ATP2B4: variants seen among roughly 807,000 people sequenced by gnomAD.
The protein encoded by ATP2B4 is plasma membrane calcium-transporting ATPase 4.
ATP2B4 carries 39 observed loss-of-function variants against 110.3 expected under a neutral mutation model. The observed-to-expected ratio is 0.35, with a 90% confidence interval of 0.27 to 0.46. The LOEUF is 0.46. ATP2B4 is among the 20% of genes least tolerant of loss of function. The probability of loss-of-function intolerance (pLI) is 1.00; values close to 1 mark genes in which losing one functional copy is unlikely to be tolerated. For synonymous variants in ATP2B4, 538 were observed against 571.7 expected (o/e 0.94, Z 0.84); for missense variants, 1,135 against 1,530.9 (o/e 0.74, Z 4.32).
intron 1 of ATP2B4, among the ~76,000 whole-genome samples, chr1:203,668,658 A>G (rs1664576648): frequency 6.6e-6 from 1 of 152,210 alleles, no homozygotes; most frequent in Non-Finnish European, 1.5e-5. Context: ...CCGTGACCCC[A>G]GTGACACAGA....
chr1:203,710,676 A>G (rs993786712), intron 11 of ATP2B4, among the ~76,000 whole-genome samples: 3 of 152,226 alleles, frequency 2.0e-5, no homozygotes, highest in Non-Finnish European at 4.4e-5. Flanking sequence ...CACTCTCTAT[A>G]TATCTAGACC....
rs761598697 is a variant in ATP2B4 at position 203,722,458 on chromosome 1, G to A, written c.2813-20G>A. The stretch of plus-strand genomic sequence containing the variant: ...GTTCAGACCACACTTAACCTCCAGT[G>A]CTTCTCCTCTCCCCACTAGGTGAGA... On this transcript the variant is annotated intron_variant, in intron 17 of 20. Transcript: ENST00000357681. 4 of 1,580,368 alleles carry A rather than the reference G, an allele frequency of 2.5e-6. No individual in the cohort carries two copies. The highest frequency in any genetic ancestry group is 3.5e-6 in the Non-Finnish European group (4 of 1,149,312).
chr1:203,719,884 G>T (rs940870654), intron 15 of ATP2B4, among the ~76,000 whole-genome samples: 1 of 151,800 alleles, frequency 6.6e-6, no homozygotes, highest in Non-Finnish European at 1.5e-5. Flanking sequence ...AAAGCTGGGC[G>T]ATATAGAGAG....
rs372132352 is a variant in ATP2B4, at chr1:203,710,541, C to T, written c.1800-336C>T. On this transcript the variant is annotated intron_variant, in intron 11 of 20. Coordinates refer to ENST00000357681, the MANE Select transcript of ATP2B4 (RefSeq NM_001684.5). ...CAAACCACCAGCACCACACAGTGAG[C>T]ACTATTCTAAATACTCGGATTGAAA... Among the ~76,000 whole-genome samples, 10 of 152,324 alleles carry T rather than the reference C, an allele frequency of 6.6e-5. No homozygotes were observed. In the East Asian group the frequency reaches 1.9e-3, roughly 29 times the overall value.
At chr1:203,669,075 A>G (rs1275487050) in intron 1 of ATP2B4, among the ~76,000 whole-genome samples, 3 of 152,160 alleles carry the variant, frequency 2.0e-5, no homozygotes, top group African/African-American at 7.2e-5. Context: ...TTCACTTCCT[A>G]CAAACCTCCG....
chr1:203,650,611 G>A lies in ATP2B4; in HGVS notation c.-465+23392G>A, dbSNP rs546986617. On this transcript the variant is annotated intron_variant, in intron 1 of 20. Coordinates refer to ENST00000357681, the MANE Select transcript of ATP2B4 (RefSeq NM_001684.5). ...GGCTGAGTTGCACCGCGCAGAGGCC[G>A]GGGGAGCTGCAGGTCCGAACTCGGC... Among the ~76,000 whole-genome samples, 126 of 152,320 alleles carry A rather than the reference G, an allele frequency of 8.3e-4. 1 individual carries two copies. Among genetic ancestry groups the A allele is most frequent in the African/African-American group, 2.5e-3 (103 of 41,580 alleles).
At chr1:203,707,753 G>A (rs1665891660) in intron 9 of ATP2B4, 109 bp from the exon 10 acceptor site, 2 of 1,454,406 alleles carry the variant, frequency 1.4e-6, no homozygotes, top group Middle Eastern at 2.5e-4. Flanking sequence ...TTTTGTGTGG[G>A]ACTGGAAGAT....
intron 1 of ATP2B4, among the ~76,000 whole-genome samples, chr1:203,642,382 C>T (rs1415275669): frequency 2.0e-5 from 3 of 152,200 alleles, no homozygotes; most frequent in Admixed American, 6.5e-5. Flanking sequence ...CTGCACCTGG[C>T]CTCACAGTCT....
intron 12 of ATP2B4, 142 bp downstream of exon 12, chr1:203,711,250 G>A (rs1490345350): frequency 1.3e-6 from 1 of 744,218 alleles, no homozygotes; most frequent in Non-Finnish European, 2.2e-6. Context: ...CAGGACTGCT[G>A]TGGAGTGCCA....
chr1:203,694,505 A>C (rs533386784), intron 2 of ATP2B4, among the ~76,000 whole-genome samples: 13 of 152,222 alleles, frequency 8.5e-5, no homozygotes, highest in Non-Finnish European at 1.9e-4. Flanking sequence ...CAGCTTGTGC[A>C]GAGGCCCTGA....
At position 203,720,741 on chromosome 1, in the gene ATP2B4, G is replaced by A. The variant is rs1326028790; in HGVS notation, c.2598+1G>A. The A allele has an allele frequency of 1.2e-6, 2 of 1,609,718 alleles. No individual in the cohort carries two copies. Among genetic ancestry groups the A allele is most frequent in the South Asian group, 1.1e-5 (1 of 90,392 alleles). ...CTTCACTGGAGCCTGTATCACTCAG[G>A]TGAAGGGGGTGTGGGTGGGCTGAGA... is the stretch of plus-strand genomic sequence containing the variant. On this transcript the variant is annotated splice_donor_variant, in intron 16 of 20. Coordinates refer to ENST00000357681, the MANE Select transcript of ATP2B4 (RefSeq NM_001684.5). LOFTEE classifies it high-confidence loss of function.
At chr1:203,637,442 A>AC (rs1663490026) in intron 1 of ATP2B4, among the ~76,000 whole-genome samples, 1 of 151,810 alleles carries the variant, frequency 6.6e-6, no homozygotes, top group Non-Finnish European at 1.5e-5. Context: ...TCTCAAAAAA[A>AC]AAAAAAAAAA....
intron 19 of ATP2B4, among the ~76,000 whole-genome samples, 198 bp from the exon 20 acceptor site, chr1:203,727,197 C>T (rs1385473850): frequency 1.3e-5 from 2 of 152,120 alleles, no homozygotes; most frequent in African/African-American, 4.8e-5. Flanking sequence ...TACAGAAAAC[C>T]TTCCTAAAAG....
At chr1:203,737,371 G>C (rs1666901764) in intron 20 of ATP2B4, among the ~76,000 whole-genome samples, 1 of 152,188 alleles carries the variant, frequency 6.6e-6, no homozygotes. Flanking sequence ...TTGAGATCTT[G>C]AAAACATATG....
chr1:203,685,324 C>T (rs974807404), intron 2 of ATP2B4, among the ~76,000 whole-genome samples: 1 of 152,224 alleles, frequency 6.6e-6, no homozygotes, highest in East Asian at 1.9e-4. Flanking sequence ...TTTAGCATCT[C>T]TGTAGCAGAT....
intron 1 of ATP2B4, among the ~76,000 whole-genome samples, chr1:203,638,955 C>A (rs1348716048): frequency 6.6e-6 from 1 of 152,222 alleles, no homozygotes. Flanking sequence ...CTCCATGGCT[C>A]CTCCTCGCAC....
intron 20 of ATP2B4, 60 bp from the exon 21 acceptor site, chr1:203,739,486 T>G: frequency 6.6e-7 from 1 of 1,525,042 alleles, no homozygotes; most frequent in South Asian, 1.3e-5. Flanking sequence ...ATCTCCTTGT[T>G]CTGCCGGCCA....
intron 1 of ATP2B4, among the ~76,000 whole-genome samples, chr1:203,633,713 G>GATA (rs1553242174): frequency 6.9e-6 from 1 of 144,376 alleles, no homozygotes; most frequent in Non-Finnish European, 1.5e-5. Flanking sequence ...CTCCATATCA[G>GATA]ATAAATAAAT....
At chr1:203,661,686 AG>A (rs1445685900) in intron 1 of ATP2B4, among the ~76,000 whole-genome samples, 1 of 152,166 alleles carries the variant, frequency 6.6e-6, no homozygotes, top group Non-Finnish European at 1.5e-5. Flanking sequence ...GTATTCAGAA[AG>A]CCCAGTCTGT....
Sources: gnomAD v4.1 joint callset for allele counts (sites outside exome capture counted in the v4.1 genomes callset) on GRCh38, gnomAD v4.1.1 for gene constraint, MANE v1.5 for transcripts, NCBI Gene and HGNC (gene_info 2026-07-23, HGNC 2026-07-21) for gene names.